The following SETD9 variants were observed in gnomAD, a reference collection of about 807,000 sequenced individuals.
The protein encoded by SETD9 is SET domain containing 9.
A neutral mutation model predicts 36.4 loss-of-function variants in SETD9; 37 were observed. The ratio of observed to expected loss-of-function variants is 1.02; its 90% CI spans 0.78 to 1.34. The LOEUF is 1.34. Ranked by LOEUF, SETD9 falls within the 40% of genes most tolerant of loss-of-function variation. SETD9 has a pLI of 0.00. For synonymous variants in SETD9, 128 were observed against 132.9 expected, an observed-to-expected ratio of 0.96 and a Z score of 0.26; for missense variants, 323 against 353.2, an observed-to-expected ratio of 0.91 and a Z score of 0.69.
At chr5:56,917,420 T>C (rs1004400020), downstream of SETD9, 1 of 683,718 alleles carries the variant, frequency 1.5e-6, no homozygotes, top group Non-Finnish European at 1.8e-6. Context: ...ATTATTACTA[T>C]TTTCTTTACT....
chr5:56,913,692 T>A (rs896157902), intron 3 of SETD9, among the ~76,000 whole-genome samples, 182 bp from the exon 4 acceptor site: 1 of 152,064 alleles, frequency 6.6e-6, no homozygotes, highest in African/African-American at 2.4e-5. Context: ...CCAGCATTTA[T>A]ACTTTGAATA....
downstream of SETD9, chr5:56,925,638 T>C (rs761450163): frequency 5.3e-6 from 1 of 187,190 alleles, no homozygotes; most frequent in African/African-American, 2.4e-5. Context: ...TCTATGTTCA[T>C]GGATAAGAAG....
At chr5:56,923,395 G>A in intron 5 of SETD9, 1 of 1,614,164 alleles carries the variant, frequency 6.2e-7, no homozygotes, top group Non-Finnish European at 8.5e-7. Context: ...TTAGCTCCGA[G>A]TGATAAAATC....
chr5:56,923,516 G>A, intron 5 of SETD9: 1 of 1,614,182 alleles, frequency 6.2e-7, no homozygotes. Context: ...GTTGCCCAGT[G>A]GAGGAAAGCT....
At chr5:56,919,521 ATATC>A (rs1193741532), downstream of SETD9, 14 of 152,366 alleles carry the variant, frequency 9.2e-5, no homozygotes, top group African/African-American at 2.4e-4. Flanking sequence ...CAGTGGTATA[ATATC>A]TATCTATTTG....
At chr5:56,912,096 A>G (rs1749162267) in intron 2 of SETD9, 5 of 732,490 alleles carry the variant, frequency 6.8e-6, no homozygotes, top group Non-Finnish European at 8.3e-6. Context: ...CGGAGGTTGC[A>G]GTGAGCCGAG....
downstream of SETD9, among the ~76,000 whole-genome samples, chr5:56,919,173 TG>T (rs371413081): frequency 2.0e-5 from 3 of 147,232 alleles, no homozygotes; most frequent in African/African-American, 7.5e-5. Flanking sequence ...TTGTCCAGGC[TG>T]GAGTGCAATG....
Position 56,917,043 on chromosome 5 carries a change from T to C in SETD9, c.*141T>C. 1.5e-6 allele frequency: 2 copies of C among 1,331,088 alleles called. No individual in the cohort carries two copies. The highest frequency in any genetic ancestry group is 1.9e-6 in the Non-Finnish European group (2 of 1,046,272). 82.5% of individuals were successfully genotyped at this position (1,331,088 alleles called of 1,614,324 possible). A position where few individuals can be genotyped will look rare whatever the true frequency, so the allele number is the denominator to read the frequency against. ...TAGGAATTTCTTATGTTTTTGTTGA[T>C]ATTATATTTATGTTCCAATTTCATG... On this transcript the variant is annotated 3_prime_UTR_variant, in exon 6 of 6. Transcript: ENST00000285947.
intron 2 of SETD9, chr5:56,912,124 C>CGGGG (rs2112014922): frequency 1.1e-6 from 1 of 947,982 alleles, no homozygotes; most frequent in Non-Finnish European, 1.3e-6. Context: ...CATTGCGCTC[C>CGGGG]AGCCTGGGTG....
At chr5:56,913,176 A>G in intron 3 of SETD9, 42 bp downstream of exon 3, 2 of 1,595,180 alleles carry the variant, frequency 1.3e-6, no homozygotes, top group Non-Finnish European at 1.7e-6. Flanking sequence ...AGGAGACAGA[A>G]CCGCACTTAC....
intron 5 of SETD9, chr5:56,923,697 A>T: frequency 3.7e-6 from 6 of 1,614,218 alleles, no homozygotes; most frequent in Non-Finnish European, 3.4e-6. Flanking sequence ...TTACCTGTCA[A>T]GTCACTGGCA....
intron 5 of SETD9, among the ~76,000 whole-genome samples, chr5:56,924,211 T>C (rs547418414): frequency 7.9e-5 from 12 of 152,316 alleles, no homozygotes; most frequent in Admixed American, 2.0e-4. Flanking sequence ...ATTAGTGGAA[T>C]GCCTTTACAT....
chr5:56,923,882 G>A (rs927297492), intron 5 of SETD9: 18 of 1,613,730 alleles, frequency 1.1e-5, no homozygotes, highest in Non-Finnish European at 1.4e-5. Flanking sequence ...ACAGTTAAAA[G>A]TAAGTCTTTG....
chr5:56,915,301 G>A (rs1387552231), intron 5 of SETD9, among the ~76,000 whole-genome samples: 1 of 151,840 alleles, frequency 6.6e-6, no homozygotes. Flanking sequence ...ATAATATCAT[G>A]TTCTCTACCT....
intron 5 of SETD9, chr5:56,925,184 C>G (rs975370376): frequency 1.0e-5 from 3 of 287,912 alleles, no homozygotes; most frequent in Admixed American, 4.9e-5. Flanking sequence ...TTTATCTCAT[C>G]TTTGAGAAAC....
intron 5 of SETD9, chr5:56,924,082 A>T (rs748391366): frequency 1.3e-6 from 2 of 1,585,402 alleles, no homozygotes; most frequent in Non-Finnish European, 1.7e-6. Flanking sequence ...CAACAAACTC[A>T]ACCATTTTTT....
downstream of SETD9, among the ~76,000 whole-genome samples, chr5:56,919,071 A>ACAT (rs999111074): frequency 4.7e-5 from 7 of 150,490 alleles, no homozygotes; most frequent in South Asian, 2.1e-4. Context: ...AGCGTTTGAA[A>ACAT]CATAATAAAT....
chr5:56,927,527 T>G (rs754885614), downstream of SETD9, among the ~76,000 whole-genome samples: 14 of 152,180 alleles, frequency 9.2e-5, no homozygotes, highest in Non-Finnish European at 2.1e-4. Context: ...TAATGAGAAT[T>G]ATTCCAAACT....
intron 5 of SETD9, chr5:56,922,808 G>A: frequency 3.4e-6 from 1 of 294,558 alleles, no homozygotes. Context: ...GGGAGTGAGG[G>A]CAGTGGGGAA....
Sources: allele counts gnomAD v4.1 joint callset (sites outside exome capture counted in the v4.1 genomes callset), GRCh38; gene constraint gnomAD v4.1.1; transcripts MANE v1.5; gene names NCBI Gene and HGNC (gene_info 2026-07-23, HGNC 2026-07-21).